Variants in SHBG observed in about 807,000 individuals in gnomAD.
SHBG encodes sex hormone binding globulin.
Under a neutral mutation model 41.9 loss-of-function variants are expected in SHBG, and 37 were observed. That is an observed-to-expected ratio of 0.88 (90% confidence interval 0.68 to 1.16). The LOEUF is 1.16. SHBG is among the 50% of genes most tolerant of loss of function. The pLI, the probability that SHBG is intolerant of heterozygous loss-of-function variation, is 0.00. For missense variants in SHBG, 466 were observed against 499.9 expected, an observed-to-expected ratio of 0.93 and a Z score of 0.65; for synonymous variants, 217 against 205.8, an observed-to-expected ratio of 1.05 and a Z score of -0.47.
rs2072457256 is a variant in SHBG, at chr17:7,632,693, AG to A, written c.853-58del. ...GGCAGCTAGGGGTGAGGCCACAGGCAGTAGGCCCGGCTCATTCTTCCCTCTC... is the reference window on the plus strand; with the variant it reads ...GGCAGCTAGGGGTGAGGCCACAGGCATAGGCCCGGCTCATTCTTCCCTCTC... On this transcript the variant is annotated intron_variant, in intron 6 of 7. Transcript: ENST00000380450. The A allele has an allele frequency of 3.7e-6, 5 of 1,351,458 alleles. No homozygotes were observed. In the South Asian group the frequency reaches 5.9e-5, roughly 16 times the overall value. The allele number at this position is 1,351,458 out of a possible 1,614,324, so 83.7% of individuals were successfully genotyped here. A position where few individuals can be genotyped will look rare whatever the true frequency, so the allele number is the denominator to read the frequency against.
chr17:7,626,257 T>C, upstream of SHBG: 2 of 606,220 alleles, frequency 3.3e-6, no homozygotes, highest in Non-Finnish European at 5.8e-6. Context: ...TTCTTATTTA[T>C]TTTTCACCCT....
upstream of SHBG, among the ~76,000 whole-genome samples, chr17:7,625,576 C>A (rs1279506100): frequency 6.8e-6 from 1 of 146,326 alleles, no homozygotes; most frequent in Non-Finnish European, 1.5e-5. Context: ...GACTCTGTCT[C>A]AAAAAAAATA....
At position 7,631,889 on chromosome 17, in the gene SHBG, G is replaced by A. The variant is rs987064936; in HGVS notation, c.726G>A (p.Gln242=). 13 of 1,613,902 alleles carry A rather than the reference G, an allele frequency of 8.1e-6. No homozygotes were observed. In the Admixed American group the frequency reaches 1.7e-4, roughly 21 times the overall value. ...QAEFNLRDIP[Q]PHAEPWAFSL... is the part of the protein sequence containing the mutation. ...CATTTCTCCCCACAGACATTCCCCAGCCTCATGCAGAGCCCTGGGCCTTCT... is the reference window on the plus strand; with the variant it reads ...CATTTCTCCCCACAGACATTCCCCAACCTCATGCAGAGCCCTGGGCCTTCT... Residue 242 remains glutamine (Q), a synonymous_variant, in exon 6 of 8, where the codon CAG becomes CAA. Coordinates refer to ENST00000380450, the MANE Select transcript of SHBG (RefSeq NM_001040.5).
chr17:7,627,104 G>A (rs756190317), upstream of SHBG: 4 of 1,613,124 alleles, frequency 2.5e-6, no homozygotes, highest in South Asian at 1.1e-5. This position sits in a 1 kb window ranked among gnomAD's most constrained non-coding sequence, Gnocchi z 4.8. Context: ...CTCTGAGGCC[G>A]GCTGGAGAGG....
At chr17:7,627,643 C>A (rs1330403066), upstream of SHBG, 1 of 1,613,926 alleles carries the variant, frequency 6.2e-7, no homozygotes, top group African/African-American at 1.3e-5. This position sits in a 1 kb window ranked among gnomAD's most constrained non-coding sequence, Gnocchi z 4.8. Context: ...CATCCGGATC[C>A]CCGCTGTCTG....
chr17:7,629,990 G>C (rs1597916354), upstream of SHBG: 3 of 672,772 alleles, frequency 4.5e-6, no homozygotes, highest in Non-Finnish European at 2.7e-6. Context: ...TTGATCCCCA[G>C]AGGGGTGATA....
At chr17:7,620,806 T>C (rs976164976) in intron 1 of SHBG, among the ~76,000 whole-genome samples, 1 of 151,664 alleles carries the variant, frequency 6.6e-6, no homozygotes, top group Non-Finnish European at 1.5e-5. Flanking sequence ...AATTTTTTTG[T>C]ATTTAGTAGA....
At chr17:7,626,221 A>G, upstream of SHBG, 1 of 474,114 alleles carries the variant, frequency 2.1e-6, no homozygotes, top group Non-Finnish European at 3.7e-6. Context: ...TAAAAGAAAG[A>G]CCCAACACCA....
At chr17:7,627,281 C>T (rs1049299972), upstream of SHBG, 7 of 1,611,984 alleles carry the variant, frequency 4.3e-6, no homozygotes, top group Non-Finnish European at 5.1e-6. This position sits in a 1 kb window ranked among gnomAD's most constrained non-coding sequence, Gnocchi z 4.8. Context: ...TGGGTGTATG[C>T]CCAGCCTGGA....
rs2072372466 is a variant in SHBG, at chr17:7,630,578, C to T, written c.203+71C>T. ...TCTCTCCATCAGCTCTTCTCTTTTC[C>T]CTGTCTTCCTTTCCTTATCTGTGAA... On this transcript the variant is annotated intron_variant, in intron 2 of 7. Coordinates refer to ENST00000380450, the MANE Select transcript of SHBG (RefSeq NM_001040.5). This position sits in a 1 kb window ranked among gnomAD's most constrained non-coding sequence, Gnocchi z 4.6. The T allele has an allele frequency of 6.4e-7, 1 of 1,551,324 alleles. No homozygotes were observed. Among genetic ancestry groups the T allele is most frequent in the Admixed American group, 1.7e-5 (1 of 59,552 alleles).
At chr17:7,620,442 A>G (rs1390369825) in intron 1 of SHBG, among the ~76,000 whole-genome samples, 2 of 152,054 alleles carry the variant, frequency 1.3e-5, no homozygotes, top group Non-Finnish European at 2.9e-5. Context: ...TGAGCCTCCC[A>G]AGTAGCTTGG....
Position 7,631,327 on chromosome 17 carries a change from G to A in SHBG, c.521G>A (p.Gly174Glu), listed in dbSNP as rs1412687392. The change falls in exon 4 of 8, where the codon GGG (glycine) becomes GAG (glutamate). Residue 174 changes from glycine to glutamate, a missense_variant. Transcript: ENST00000380450. The stretch of plus-strand genomic sequence containing the variant: ...CCCATCATGAGGATTGCGCTTGGGG[G>A]GCTGCTCTTCCCCGCTTCCAACCTT... Reference protein sequence around the residue: ...RHPIMRIALGGLLFPASNLRL... With the variant: ...RHPIMRIALGELLFPASNLRL... The A allele has an allele frequency of 1.2e-6, 2 of 1,613,616 alleles. No individual in the cohort carries two copies. The highest frequency in any genetic ancestry group is 1.7e-5 in the Admixed American group (1 of 59,978).
rs757764436 is a variant in SHBG at position 7,630,419 on chromosome 17, G to A, written c.115G>A (p.Ala39Thr). The A allele has an allele frequency of 3.3e-5, 54 of 1,613,726 alleles. No individual in the cohort carries two copies. In the Middle Eastern group the frequency reaches 4.9e-4, roughly 15 times the overall value. Residue 39 changes from alanine (A) to threonine (T), a missense_variant, in exon 2 of 8, where the codon GCC (alanine) becomes ACC (threonine). Coordinates refer to ENST00000380450, the MANE Select transcript of SHBG (RefSeq NM_001040.5). The surrounding 1 kb of genome is among the most constrained non-coding windows in gnomAD (Gnocchi z 4.6). ...ALRPVLPTQS[A>T]HDPPAVHLSN... is the part of the protein sequence containing the mutation. Reference sequence around the variant, plus strand: ...GTTTGTTTTCTCTTTCTGATAGAGTGCCCACGACCCTCCGGCTGTCCACCT... The same window carrying A: ...GTTTGTTTTCTCTTTCTGATAGAGTACCCACGACCCTCCGGCTGTCCACCT...
intron 4 of SHBG, 104 bp downstream of exon 4, chr17:7,631,465 G>A: frequency 6.4e-7 from 1 of 1,564,488 alleles, no homozygotes; most frequent in South Asian, 1.1e-5. Flanking sequence ...GAAGGGAAGG[G>A]TTGAGAGCTG....
Position 7,630,180 on chromosome 17 carries a change from G to A in SHBG, c.8G>A (p.Ser3Asn). ...AGTGGACAGTGGCTGATTATGGAGA[G>A]CAGAGGCCCACTGGCTACCTCGCGC... Reference protein sequence around the residue: MESRGPLATSRLL... With the variant: MENRGPLATSRLL... Residue 3 changes from serine (S) to asparagine (N), a missense_variant, in exon 1 of 8, where the codon AGC becomes AAC. Coordinates refer to ENST00000380450, the MANE Select transcript of SHBG (RefSeq NM_001040.5). This position sits in a 1 kb window ranked among gnomAD's most constrained non-coding sequence, Gnocchi z 4.6. The A allele has an allele frequency of 6.2e-7, 1 of 1,613,732 alleles. No individual in the cohort carries two copies. Among genetic ancestry groups the A allele is most frequent in the Non-Finnish European group, 8.5e-7 (1 of 1,179,670 alleles).
At chr17:7,626,422 G>A (rs749880686), upstream of SHBG, 5 of 1,612,220 alleles carry the variant, frequency 3.1e-6, no homozygotes, top group African/African-American at 1.3e-5. Flanking sequence ...AGAAACTCAA[G>A]ACAGAGATCC....
chr17:7,626,836 C>T (rs2072224442), upstream of SHBG: 1 of 1,611,038 alleles, frequency 6.2e-7, no homozygotes, highest in African/African-American at 1.3e-5. Flanking sequence ...ATTGTTTGAG[C>T]TGAAGGGGAT....
intron 4 of SHBG, 39 bp from the exon 5 acceptor site, chr17:7,631,550 A>G (rs1340351191): frequency 6.2e-7 from 1 of 1,612,604 alleles, no homozygotes. Flanking sequence ...CGATGCCCTG[A>G]TTTCTACATC....
upstream of SHBG, chr17:7,627,466 C>G: frequency 6.2e-7 from 1 of 1,608,294 alleles, no homozygotes; most frequent in Non-Finnish European, 8.5e-7. The surrounding 1 kb of genome is among the most constrained non-coding windows in gnomAD (Gnocchi z 4.8). Flanking sequence ...CCGCTGCTCC[C>G]CGAGCAGGTT....
Sources: gnomAD v4.1 joint callset for allele counts (sites outside exome capture counted in the v4.1 genomes callset) on GRCh38, gnomAD v4.1.1 for gene constraint, Gnocchi (gnomAD v3.1) non-coding constraint, MANE v1.5 for transcripts, NCBI Gene and HGNC (gene_info 2026-07-23, HGNC 2026-07-21) for gene names.